The following ERG variants were observed in gnomAD, a reference collection of about 807,000 sequenced individuals.
ERG encodes transcriptional regulator ERG.
Under a neutral mutation model 55.3 loss-of-function variants are expected in ERG, and 9 were observed. The observed-to-expected ratio is 0.16, with a 90% CI of 0.10 to 0.28. The LOEUF (loss-of-function observed/expected upper bound fraction) is 0.28, where lower values mean the gene tolerates loss of function less well. Ranked by LOEUF, ERG falls within the 10% of genes least tolerant of loss-of-function variation. ERG has a pLI of 1.00. For missense variants in ERG, 434 were observed against 631.6 expected (o/e 0.69, Z 3.35); for synonymous variants, 223 against 237.3 (o/e 0.94, Z 0.55).
At chr21:38,607,028 T>C (rs1158252629) in intron 1 of ERG, among the ~76,000 whole-genome samples, 4 of 151,990 alleles carry the variant, frequency 2.6e-5, no homozygotes, top group African/African-American at 9.7e-5. Context: ...AGACAAAGTA[T>C]TAAAAGTGAC....
At chr21:38,639,893 C>T (rs1352747523) in intron 1 of ERG, among the ~76,000 whole-genome samples, 1 of 152,176 alleles carries the variant, frequency 6.6e-6, no homozygotes, top group East Asian at 1.9e-4. Flanking sequence ...TGAAAACCAA[C>T]AGAATCCTAG....
At chr21:38,537,439 AAAAT>A (rs60311586) in intron 2 of ERG, among the ~76,000 whole-genome samples, 30,171 of 140,472 alleles carry the variant, frequency 0.21, 3,126 homozygotes, top group South Asian at 0.3. Context: ...TCCAGAAAAA[AAAAT>A]ATATATATAT....
chr21:38,493,456 T>TG (rs2059353985), intron 1 of ERG, among the ~76,000 whole-genome samples: 1 of 152,252 alleles, frequency 6.6e-6, no homozygotes, highest in Admixed American at 6.5e-5. Flanking sequence ...TTGCTGTGGT[T>TG]GGTTAGGATC....
At chr21:38,471,787 G>T (rs1222614531) in intron 1 of ERG, 2 of 152,190 alleles carry the variant, frequency 1.3e-5, no homozygotes, top group Non-Finnish European at 2.9e-5. Context: ...ACATCTATTT[G>T]TTAATAATGG....
At chr21:38,431,104 T>C (rs2836388) in intron 2 of ERG, among the ~76,000 whole-genome samples, 4,524 of 152,324 alleles carry the variant, frequency 0.03, 172 homozygotes, top group East Asian at 0.094. Context: ...TCATGAGCAC[T>C]GACTTCTTAA....
At chr21:38,636,857 G>A (rs2060392467) in intron 1 of ERG, among the ~76,000 whole-genome samples, 1 of 152,142 alleles carries the variant, frequency 6.6e-6, no homozygotes, top group African/African-American at 2.4e-5. Context: ...TTAGAAGGAA[G>A]CAAATGTTTA....
chr21:38,432,873 T>C (rs1010533141), intron 2 of ERG, among the ~76,000 whole-genome samples: 3 of 152,204 alleles, frequency 2.0e-5, no homozygotes, highest in Admixed American at 6.5e-5. Context: ...GAGTCTTTCA[T>C]AGACCTAAAG....
chr21:38,551,455 G>T (rs1441905579), intron 2 of ERG, among the ~76,000 whole-genome samples: 1 of 152,014 alleles, frequency 6.6e-6, no homozygotes, highest in Non-Finnish European at 1.5e-5. Flanking sequence ...GTTAATTTAA[G>T]ATCTTTCCAA....
intron 1 of ERG, among the ~76,000 whole-genome samples, chr21:38,463,858 G>A (rs2059065159): frequency 6.6e-6 from 1 of 152,194 alleles, no homozygotes; most frequent in African/African-American, 2.4e-5. Context: ...CTTTCAGTCT[G>A]CACGTAATCC....
chr21:38,508,960 C>G (rs962200676), intron 2 of ERG, among the ~76,000 whole-genome samples: 1 of 152,146 alleles, frequency 6.6e-6, no homozygotes, highest in African/African-American at 2.4e-5. Context: ...AGCCATGTGA[C>G]GAGGCCATTT....
intron 2 of ERG, among the ~76,000 whole-genome samples, chr21:38,550,110 T>C (rs2146814286): frequency 6.6e-6 from 1 of 152,190 alleles, no homozygotes; most frequent in African/African-American, 2.4e-5. Context: ...CGCCCGGTGG[T>C]GGGGTGCTTC....
At chr21:38,541,716 C>T (rs376452573) in intron 2 of ERG, among the ~76,000 whole-genome samples, 45 of 152,102 alleles carry the variant, frequency 3.0e-4, no homozygotes, top group Admixed American at 3.9e-4. Flanking sequence ...GTGAATTTAA[C>T]GAAACTTCAG....
chr21:38,485,371 A>C (rs1294933973), intron 1 of ERG, among the ~76,000 whole-genome samples: 1 of 152,184 alleles, frequency 6.6e-6, no homozygotes, highest in East Asian at 1.9e-4. Flanking sequence ...CAAAAAGTTT[A>C]AAAAATTAAT....
chr21:38,373,883 T>A, the ERG span, among the ~76,000 whole-genome samples: 1 of 152,238 alleles, frequency 6.6e-6, no homozygotes, highest in Admixed American at 6.5e-5. Context: ...TAAACTATTT[T>A]TTTTTAAGCA....
intron 1 of ERG, among the ~76,000 whole-genome samples, chr21:38,486,692 C>A (rs976083375): frequency 6.6e-6 from 1 of 151,820 alleles, no homozygotes. Context: ...CAATAACAGC[C>A]CATAACAGCT....
At chr21:38,561,411 T>A (rs147830597) in intron 2 of ERG, among the ~76,000 whole-genome samples, 1 of 151,776 alleles carries the variant, frequency 6.6e-6, no homozygotes, top group East Asian at 1.9e-4. Flanking sequence ...AGGCTCTAGG[T>A]CACTTTTGTA....
At chr21:38,402,518 T>C in intron 5 of ERG, 39 bp downstream of exon 5, 1 of 1,517,760 alleles carries the variant, frequency 6.6e-7, no homozygotes, top group South Asian at 1.1e-5. Flanking sequence ...CGTAAGACCC[T>C]ACGCTCTTGC....
chr21:38,503,822 C>T lies in ERG; in HGVS notation c.-41+71840G>A, dbSNP rs1485949276. ...TGCCGCACAATGGAAAACTCCAGCACTCCATGGAACTTTTCCATCTGCAGC... is the reference window on the plus strand; with the variant it reads ...TGCCGCACAATGGAAAACTCCAGCATTCCATGGAACTTTTCCATCTGCAGC... On this transcript the variant is annotated intron_variant, in intron 2 of 8. Transcript: ENST00000398897. Among the ~76,000 whole-genome samples, 4 of 152,188 alleles carry T rather than the reference C, an allele frequency of 2.6e-5. 1 individual carries two copies. Among genetic ancestry groups the T allele is most frequent in the South Asian group, 4.1e-4 (2 of 4,826 alleles).
intron 2 of ERG, among the ~76,000 whole-genome samples, chr21:38,574,599 GT>G (rs1262403963): frequency 1.3e-5 from 2 of 152,202 alleles, no homozygotes; most frequent in Admixed American, 1.3e-4. Flanking sequence ...CAAATGTATT[GT>G]TTTAAAATGT....
Sources: allele counts gnomAD v4.1 joint callset (sites outside exome capture counted in the v4.1 genomes callset), GRCh38; gene constraint gnomAD v4.1.1; transcripts MANE v1.5; gene names NCBI Gene and HGNC (gene_info 2026-07-23, HGNC 2026-07-21).